Variants in BRINP3 observed in about 807,000 individuals in gnomAD.
BRINP3 encodes the protein BMP/retinoic acid-inducible neural-specific protein 3.
A neutral mutation model predicts 71.0 loss-of-function variants in BRINP3; 19 were observed. The ratio of observed to expected loss-of-function variants is 0.27; its 90% CI spans 0.19 to 0.39. The LOEUF (loss-of-function observed/expected upper bound fraction) is 0.39. Ranked by LOEUF, BRINP3 falls within the 10% of genes least tolerant of loss-of-function variation. The probability of loss-of-function intolerance (pLI) is 1.00; values close to 1 mark genes in which losing one functional copy is unlikely to be tolerated. For missense variants in BRINP3, 959 were observed against 940.8 expected (o/e 1.02, Z -0.25); for synonymous variants, 380 against 337.7 (o/e 1.13, Z -1.37).
chr1:190,176,719 C>T lies in BRINP3; in HGVS notation c.962-15829G>A, dbSNP rs938277658. On this transcript the variant is annotated intron_variant, in intron 6 of 7. Coordinates refer to ENST00000367462, the MANE Select transcript of BRINP3 (RefSeq NM_199051.3). Reference sequence around the variant, plus strand: ...CTCTTAAACCTGAAGGGACGGGCTACGTTAAAGCTGTCAAGGTTTTAAATG... The same window carrying T: ...CTCTTAAACCTGAAGGGACGGGCTATGTTAAAGCTGTCAAGGTTTTAAATG... Among the ~76,000 whole-genome samples the T allele has an allele frequency of 2.6e-5, 4 of 152,032 alleles. No homozygotes were observed. The East Asian group carries it at 5.8e-4, about 22-fold the overall frequency.
chr1:190,430,981 ATTG>A, intron 2 of BRINP3, among the ~76,000 whole-genome samples: 1 of 152,120 alleles, frequency 6.6e-6, no homozygotes, highest in South Asian at 2.1e-4. Context: ...CATCAAGCTT[ATTG>A]TTGAGTAATA....
At chr1:190,419,854 C>A (rs986344733) in intron 2 of BRINP3, among the ~76,000 whole-genome samples, 3 of 148,642 alleles carry the variant, frequency 2.0e-5, no homozygotes, top group African/African-American at 4.9e-5. Context: ...AAAAAAGAAT[C>A]CCTGATTAGA....
Position 190,277,089 on chromosome 1 carries a change from A to T in BRINP3, c.427+4471T>A, listed in dbSNP as rs529388940. On this transcript the variant is annotated intron_variant, in intron 3 of 7. Coordinates refer to ENST00000367462, the MANE Select transcript of BRINP3 (RefSeq NM_199051.3). ...TGATCCTGAAATAAATTTTGGTTTT[A>T]TATATATATATATATATATATATAT... Among the ~76,000 whole-genome samples the T allele has an allele frequency of 4.9e-4, 45 of 91,190 alleles. 2 individuals carry two copies. The highest frequency in any genetic ancestry group is 4.6e-3 in the South Asian group (11 of 2,414). 59.8% of individuals were successfully genotyped at this position (91,190 alleles called of 152,430 possible). A position where few individuals can be genotyped will look rare whatever the true frequency, so the allele number is the denominator to read the frequency against.
chr1:190,198,992 G>T (rs537231640), intron 6 of BRINP3, among the ~76,000 whole-genome samples: 1 of 150,492 alleles, frequency 6.6e-6, no homozygotes, highest in Non-Finnish European at 1.5e-5. Flanking sequence ...ATAAAGGAAA[G>T]GGGCTTGATG....
chr1:190,153,542 T>TA (rs1656602004), intron 7 of BRINP3, among the ~76,000 whole-genome samples: 1 of 151,990 alleles, frequency 6.6e-6, no homozygotes, highest in Non-Finnish European at 1.5e-5. Flanking sequence ...TGCCTGAAAC[T>TA]AGAAAAATAA....
intron 6 of BRINP3, among the ~76,000 whole-genome samples, chr1:190,181,679 C>T (rs1354766297): frequency 6.6e-6 from 1 of 151,910 alleles, no homozygotes; most frequent in Non-Finnish European, 1.5e-5. Context: ...AGTTCCTTTA[C>T]TCTCATTCAT....
chr1:190,275,258 C>T (rs910687600), intron 3 of BRINP3, among the ~76,000 whole-genome samples: 1 of 151,498 alleles, frequency 6.6e-6, no homozygotes, highest in Non-Finnish European at 1.5e-5. Context: ...TTTTCTAAAA[C>T]ATTTTTGGTA....
chr1:190,124,894 A>C (rs903718029), intron 7 of BRINP3, among the ~76,000 whole-genome samples: 3 of 152,090 alleles, frequency 2.0e-5, no homozygotes, highest in Non-Finnish European at 4.4e-5. Flanking sequence ...CAACCTCTGG[A>C]CTTCATGAGA....
At chr1:190,359,637 G>A (rs1356212834) in intron 2 of BRINP3, among the ~76,000 whole-genome samples, 2 of 151,988 alleles carry the variant, frequency 1.3e-5, no homozygotes, top group Non-Finnish European at 2.9e-5. Context: ...ATCAATCTCT[G>A]AACCTCAAAC....
intron 7 of BRINP3, among the ~76,000 whole-genome samples, chr1:190,107,682 GA>G (rs923126731): frequency 1.3e-5 from 2 of 151,898 alleles, no homozygotes; most frequent in African/African-American, 4.8e-5. Context: ...TCCTAAGAAA[GA>G]AGAAAATGTA....
chr1:190,315,956 T>C (rs1447767948), intron 2 of BRINP3, among the ~76,000 whole-genome samples: 1 of 151,996 alleles, frequency 6.6e-6, no homozygotes, highest in Non-Finnish European at 1.5e-5. Flanking sequence ...AAACAGATGA[T>C]ATATGGGAAA....
intron 1 of BRINP3, among the ~76,000 whole-genome samples, chr1:190,465,842 A>G (rs939381934): frequency 1.3e-5 from 2 of 151,884 alleles, no homozygotes; most frequent in African/African-American, 4.8e-5. Flanking sequence ...GACAATTAAT[A>G]TGTTTTACTA....
At chr1:190,109,374 C>CAGAT (rs1652472136) in intron 7 of BRINP3, among the ~76,000 whole-genome samples, 1 of 152,120 alleles carries the variant, frequency 6.6e-6, no homozygotes, top group Admixed American at 6.6e-5. Context: ...CATAGTTTAC[C>CAGAT]AGATCCCCAG....
chr1:190,131,923 T>C (rs1163594622), intron 7 of BRINP3, among the ~76,000 whole-genome samples: 2 of 152,034 alleles, frequency 1.3e-5, no homozygotes, highest in Non-Finnish European at 2.9e-5. Context: ...ACCTACAACA[T>C]AGGGCTGTTA....
At chr1:190,145,692 G>T (rs1022027740) in intron 7 of BRINP3, among the ~76,000 whole-genome samples, 1 of 152,118 alleles carries the variant, frequency 6.6e-6, no homozygotes, top group Non-Finnish European at 1.5e-5. Flanking sequence ...CAAAGGAAAA[G>T]AAGTCATCAT....
intron 2 of BRINP3, among the ~76,000 whole-genome samples, chr1:190,302,510 G>A (rs1664808406): frequency 6.6e-6 from 1 of 151,582 alleles, no homozygotes; most frequent in Non-Finnish European, 1.5e-5. Context: ...GTTAATTTTG[G>A]ATTTGTATGA....
chr1:190,384,586 G>C (rs4361986), intron 2 of BRINP3, among the ~76,000 whole-genome samples: 1 of 151,716 alleles, frequency 6.6e-6, no homozygotes, highest in African/African-American at 2.4e-5. Context: ...AAAAATAATA[G>C]TTCTTACTGT....
intron 2 of BRINP3, among the ~76,000 whole-genome samples, chr1:190,301,198 C>CATATATATATAT (rs1390064895): frequency 3.7e-5 from 1 of 26,718 alleles, no homozygotes; most frequent in Non-Finnish European, 9.9e-5. Context: ...TATATATATA[C>CATATATATATAT]ACATACATAT....
At chr1:190,203,298 G>C (rs1571350263) in intron 6 of BRINP3, among the ~76,000 whole-genome samples, 2 of 151,700 alleles carry the variant, frequency 1.3e-5, no homozygotes, top group Non-Finnish European at 2.9e-5. Context: ...AAATGGATTG[G>C]GTTTTTAAAA....
Sources: gnomAD v4.1 joint callset for allele counts (sites outside exome capture counted in the v4.1 genomes callset) on GRCh38, gnomAD v4.1.1 for gene constraint, MANE v1.5 for transcripts, NCBI Gene and HGNC (gene_info 2026-07-23, HGNC 2026-07-21) for gene names.